Variants in CDYL2 observed in about 807,000 individuals in gnomAD.
The protein encoded by CDYL2 is chromodomain Y like 2.
A neutral mutation model predicts 49.4 loss-of-function variants in CDYL2; 23 were observed. The ratio of observed to expected loss-of-function variants is 0.47; its 90% CI spans 0.34 to 0.66. The LOEUF (loss-of-function observed/expected upper bound fraction) is 0.66, where lower values mean the gene tolerates loss of function less well. Ranked by LOEUF, CDYL2 falls within the 30% of genes least tolerant of loss-of-function variation. The pLI is 0.01. For synonymous variants in CDYL2, 360 were observed against 268.8 expected (o/e 1.34, Z -3.32); for missense variants, 678 against 656.4 (o/e 1.03, Z -0.36).
At chr16:80,672,050 T>C (rs999159235) in intron 2 of CDYL2, among the ~76,000 whole-genome samples, 15 of 152,208 alleles carry the variant, frequency 9.9e-5, no homozygotes, top group Admixed American at 9.2e-4. Flanking sequence ...TGTATTATAC[T>C]TACCAGTTAA....
intron 1 of CDYL2, among the ~76,000 whole-genome samples, chr16:80,778,915 C>T (rs1480507577): frequency 2.6e-5 from 4 of 151,946 alleles, no homozygotes; most frequent in Non-Finnish European, 4.4e-5. Flanking sequence ...TGGACTGAAA[C>T]GAAAGATCAA....
chr16:80,679,099 C>A (rs1231937797), intron 2 of CDYL2, among the ~76,000 whole-genome samples: 1 of 111,244 alleles, frequency 9.0e-6, no homozygotes, highest in Non-Finnish European at 1.7e-5. Context: ...ACATCACACT[C>A]TGGGGACTGT....
chr16:80,632,421 T>TG (rs144106606), intron 3 of CDYL2, among the ~76,000 whole-genome samples: 8,478 of 152,178 alleles, frequency 0.056, 723 homozygotes, highest in African/African-American at 0.18. Flanking sequence ...GAAAGGAGAA[T>TG]GAAGTTACTA....
intron 1 of CDYL2, among the ~76,000 whole-genome samples, chr16:80,729,305 T>A (rs1905255757): frequency 6.6e-6 from 1 of 151,614 alleles, no homozygotes; most frequent in Admixed American, 6.6e-5. Flanking sequence ...GCAATCCTAG[T>A]CTCTGATAAA....
intron 2 of CDYL2, among the ~76,000 whole-genome samples, chr16:80,651,064 C>G (rs1279866178): frequency 6.6e-6 from 1 of 152,078 alleles, no homozygotes; most frequent in Non-Finnish European, 1.5e-5. Flanking sequence ...CAGGGTGACT[C>G]TGGTCAATAA....
chr16:80,655,493 A>G (rs1459550910), intron 2 of CDYL2, among the ~76,000 whole-genome samples: 3 of 152,214 alleles, frequency 2.0e-5, no homozygotes, highest in East Asian at 1.9e-4. Flanking sequence ...GATGTGATAA[A>G]GAGTGATGCA....
rs184301431 is a variant in CDYL2, at chr16:80,664,821, A to G, written c.616+19717T>C. Reference sequence around the variant, plus strand: ...TTCACCTGCATATACCTCAGTTTCCATATCCGTGAAATGGGAAGGGTAATG... The same window carrying G: ...TTCACCTGCATATACCTCAGTTTCCGTATCCGTGAAATGGGAAGGGTAATG... On this transcript the variant is annotated intron_variant, in intron 2 of 6. Coordinates refer to ENST00000570137, the MANE Select transcript of CDYL2 (RefSeq NM_152342.4). 1.6e-4 allele frequency among the ~76,000 whole-genome samples: 24 copies of G among 152,248 alleles called. No homozygotes were observed. The East Asian group carries it at 2.9e-3, about 18-fold the overall frequency.
intron 3 of CDYL2, among the ~76,000 whole-genome samples, chr16:80,621,737 T>G (rs532429991): frequency 3.3e-4 from 50 of 152,364 alleles, no homozygotes; most frequent in African/African-American, 1.2e-3. Context: ...AGAACTGTGC[T>G]GGCCACCCTG....
At chr16:80,753,931 C>T (rs974728185) in intron 1 of CDYL2, among the ~76,000 whole-genome samples, 15 of 152,104 alleles carry the variant, frequency 9.9e-5, no homozygotes, top group Non-Finnish European at 1.9e-4. Flanking sequence ...TGTCAAAAGC[C>T]AGGGTAAAAA....
intron 1 of CDYL2, among the ~76,000 whole-genome samples, chr16:80,766,009 A>G (rs1340890242): frequency 2.0e-5 from 3 of 151,982 alleles, no homozygotes; most frequent in Admixed American, 1.3e-4. Context: ...TTCCATCTAC[A>G]TGAAACATCC....
At chr16:80,730,804 G>C (rs113337688) in intron 1 of CDYL2, among the ~76,000 whole-genome samples, 1 of 152,138 alleles carries the variant, frequency 6.6e-6, no homozygotes, top group East Asian at 1.9e-4. Flanking sequence ...ATACACACAA[G>C]AACATGGATG....
intron 1 of CDYL2, among the ~76,000 whole-genome samples, chr16:80,712,651 C>T (rs776753652): frequency 2.7e-4 from 41 of 152,020 alleles, no homozygotes; most frequent in Non-Finnish European, 3.2e-4. Flanking sequence ...AAAGGAAAAC[C>T]AAACCACAAT....
intron 1 of CDYL2, among the ~76,000 whole-genome samples, chr16:80,706,107 A>G (rs1287869265): frequency 6.6e-6 from 1 of 152,230 alleles, no homozygotes; most frequent in Non-Finnish European, 1.5e-5. Flanking sequence ...TCTACTCCGC[A>G]TCTTTCCCTC....
chr16:80,688,710 G>C (rs2142482656), intron 1 of CDYL2, among the ~76,000 whole-genome samples: 1 of 152,258 alleles, frequency 6.6e-6, no homozygotes, highest in Admixed American at 6.5e-5. Flanking sequence ...TCTTTGTGTA[G>C]GTTTCTGACT....
chr16:80,649,890 G>C (rs956397243), intron 2 of CDYL2, among the ~76,000 whole-genome samples: 22 of 152,160 alleles, frequency 1.4e-4, no homozygotes, highest in Non-Finnish European at 2.2e-4. Context: ...AATAAATGGT[G>C]CTAGAAAAAC....
chr16:80,790,234 C>T (rs890992350), intron 1 of CDYL2, among the ~76,000 whole-genome samples: 1 of 152,108 alleles, frequency 6.6e-6, no homozygotes, highest in Admixed American at 6.5e-5. Flanking sequence ...GGACTTACAC[C>T]AGCTTCCCAA....
intron 1 of CDYL2, among the ~76,000 whole-genome samples, chr16:80,802,150 A>C (rs1484427110): frequency 1.3e-5 from 2 of 152,208 alleles, no homozygotes; most frequent in East Asian, 3.8e-4. Flanking sequence ...AGCGTTAAGG[A>C]GGGCAGTTGC....
intron 1 of CDYL2, among the ~76,000 whole-genome samples, chr16:80,780,905 T>C (rs910912763): frequency 9.2e-5 from 14 of 152,158 alleles, no homozygotes; most frequent in African/African-American, 3.1e-4. Context: ...CTGTAGATGT[T>C]AATAAATCAA....
At chr16:80,623,937 G>C (rs1907194166) in intron 3 of CDYL2, among the ~76,000 whole-genome samples, 1 of 152,162 alleles carries the variant, frequency 6.6e-6, no homozygotes, top group Middle Eastern at 3.2e-3. Flanking sequence ...TCCCCTCCCA[G>C]ACTGTGGATT....
Sources: gnomAD v4.1 joint callset for allele counts (sites outside exome capture counted in the v4.1 genomes callset) on GRCh38, gnomAD v4.1.1 for gene constraint, MANE v1.5 for transcripts, NCBI Gene and HGNC (gene_info 2026-07-23, HGNC 2026-07-21) for gene names.